MACF1: variants seen among roughly 807,000 people sequenced by gnomAD.
The protein encoded by MACF1 is microtubule actin crosslinking factor 1, also known as microtubule-actin cross-linking factor 1.
A neutral mutation model predicts 854.8 loss-of-function variants in MACF1; 193 were observed. The observed-to-expected ratio is 0.23, with a 90% CI of 0.20 to 0.25. MACF1 has a LOEUF of 0.25. Among genes scored for constraint, MACF1 ranks in the 10% least tolerant of loss-of-function variants. MACF1 has a pLI of 1.00. For missense variants in MACF1, 7,722 were observed against 8,929.1 expected, an observed-to-expected ratio of 0.86 and a Z score of 5.45; for synonymous variants, 3,185 against 3,226.7, an observed-to-expected ratio of 0.99 and a Z score of 0.44.
intron 2 of MACF1, among the ~76,000 whole-genome samples, chr1:39,158,924 A>G (rs933957061): frequency 4.6e-5 from 7 of 152,206 alleles, no homozygotes; most frequent in Admixed American, 2.0e-4. Context: ...TCACTGTGCC[A>G]TGGTGCCTAC....
intron 26 of MACF1, among the ~76,000 whole-genome samples, chr1:39,313,155 C>T (rs1459445918): frequency 1.3e-5 from 2 of 152,108 alleles, no homozygotes; most frequent in African/African-American, 4.8e-5. Flanking sequence ...CCTGAGGTTT[C>T]TTCCTGATTA....
chr1:39,187,994 TCC>T (rs1644200668), intron 2 of MACF1, among the ~76,000 whole-genome samples: 1 of 94,826 alleles, frequency 1.1e-5, no homozygotes, highest in Non-Finnish European at 2.0e-5. Context: ...TCCCCTCCCC[TCC>T]CCTTCCCTTC....
Position 39,282,237 on chromosome 1 carries a change from A to G in MACF1, c.558A>G (p.Ser186=), listed in dbSNP as rs369222802. The stretch of plus-strand genomic sequence containing the variant: ...CTGACATCTACATTAGTGGAGAATC[A>G]GGGGATATGTCAGCCAAGGAGAAAC... ...QISDIYISGE[S]GDMSAKEKLL... is the part of the protein sequence containing the mutation. The change falls in exon 7 of 101, where the codon TCA becomes TCG. Residue 186 remains serine, a synonymous_variant. Transcript: ENST00000564288. 24 of 1,613,860 alleles carry G rather than the reference A, an allele frequency of 1.5e-5. No homozygotes were observed. The African/African-American group carries it at 2.8e-4, about 19-fold the overall frequency.
At chr1:39,481,076 C>G in intron 99 of MACF1, 46 bp downstream of exon 99, 1 of 1,205,660 alleles carries the variant, frequency 8.3e-7, no homozygotes, top group Non-Finnish European at 1.2e-6. Context: ...AGACGAGGCC[C>G]TCGCTACTGG....
rs1192522337 is a variant in MACF1 at position 39,435,695 on chromosome 1, C to G, written c.17922C>G (p.Ala5974=). Residue 5974 remains alanine, a synonymous_variant, in exon 70 of 101, where the codon GCC becomes GCG. Transcript: ENST00000564288. ...EKYQKAENMY[A]QIKEEVRQRA... Reference sequence around the variant, plus strand: ...ACCAGAAAGCAGAAAACATGTATGCCCAAATAAAGGAGGAGGTGCGCCAGC... The same window carrying G: ...ACCAGAAAGCAGAAAACATGTATGCGCAAATAAAGGAGGAGGTGCGCCAGC... The G allele has an allele frequency of 1.9e-6, 3 of 1,613,908 alleles. No homozygotes were observed. Among genetic ancestry groups the G allele is most frequent in the African/African-American group, 2.7e-5 (2 of 74,864 alleles).
chr1:39,479,083 C>T (rs770891592), intron 97 of MACF1, among the ~76,000 whole-genome samples: 2 of 152,172 alleles, frequency 1.3e-5, no homozygotes, highest in African/African-American at 2.4e-5. Flanking sequence ...CATAAGACAG[C>T]GCTAACTGGC....
chr1:39,375,586 C>T (rs923630121), intron 52 of MACF1, among the ~76,000 whole-genome samples: 6 of 152,192 alleles, frequency 3.9e-5, no homozygotes, highest in African/African-American at 1.4e-4. Flanking sequence ...CAGGTGTGAG[C>T]CACCAGGCCC....
chr1:39,392,898 C>T (rs1416699881), intron 58 of MACF1, among the ~76,000 whole-genome samples: 2 of 151,968 alleles, frequency 1.3e-5, no homozygotes, highest in African/African-American at 4.8e-5. Context: ...CTCAGGCTTC[C>T]TGAGTTAGGA....
chr1:39,354,415 TA>T (rs1404580214), intron 44 of MACF1, among the ~76,000 whole-genome samples: 5 of 152,146 alleles, frequency 3.3e-5, no homozygotes, highest in African/African-American at 1.2e-4. Flanking sequence ...TTTATTTATT[TA>T]TTTTTTGAGA....
intron 2 of MACF1, among the ~76,000 whole-genome samples, chr1:39,144,889 A>G (rs895480142): frequency 6.6e-6 from 1 of 151,704 alleles, no homozygotes; most frequent in Non-Finnish European, 1.5e-5. Flanking sequence ...TCTGGTCACA[A>G]CCTCCTTTTT....
At chr1:39,323,170 T>C (rs1646544276) in intron 33 of MACF1, among the ~76,000 whole-genome samples, 162 bp downstream of exon 33, 1 of 152,154 alleles carries the variant, frequency 6.6e-6, no homozygotes. Flanking sequence ...GGAAATCCCC[T>C]CTCTACAAAA....
intron 58 of MACF1, chr1:39,411,752 C>T: frequency 6.2e-7 from 1 of 1,613,854 alleles, no homozygotes; most frequent in East Asian, 2.2e-5. Context: ...GAAGGGCTGG[C>T]TGCATCCCAG....
At chr1:39,302,079 T>A (rs1373154951) in intron 22 of MACF1, among the ~76,000 whole-genome samples, 1 of 152,152 alleles carries the variant, frequency 6.6e-6, no homozygotes, top group Non-Finnish European at 1.5e-5. Context: ...TACTGCAGCC[T>A]TGACCTCCCT....
At chr1:39,413,803 G>A (rs1259256285) in intron 58 of MACF1, 12 of 1,611,614 alleles carry the variant, frequency 7.4e-6, no homozygotes, top group Non-Finnish European at 9.3e-6. Context: ...GCCCACCCCA[G>A]CAGAATCTGC....
intron 23 of MACF1, chr1:39,304,246 T>C (rs2148422289): frequency 2.3e-6 from 1 of 435,076 alleles, no homozygotes; most frequent in South Asian, 1.8e-5. Flanking sequence ...AGTGTTCTCA[T>C]TGTTCAATTC....
intron 45 of MACF1, among the ~76,000 whole-genome samples, chr1:39,358,365 G>A (rs1404067939): frequency 6.6e-6 from 1 of 152,106 alleles, no homozygotes; most frequent in Non-Finnish European, 1.5e-5. Flanking sequence ...TATGCCTTCT[G>A]CCAACACTTC....
intron 2 of MACF1, among the ~76,000 whole-genome samples, chr1:39,180,619 C>T (rs750273814): frequency 2.6e-5 from 4 of 152,170 alleles, no homozygotes; most frequent in Non-Finnish European, 5.9e-5. Context: ...CCACCTCACA[C>T]GCACACACAC....
At chr1:39,211,976 G>A (rs1469757944) in intron 1 of MACF1, among the ~76,000 whole-genome samples, 2 of 125,414 alleles carry the variant, frequency 1.6e-5, no homozygotes, top group African/African-American at 8.6e-5. Flanking sequence ...AGATGTTTGT[G>A]TCTTTTATAT....
chr1:39,231,352 A>G (rs935795649), intron 2 of MACF1, 109 bp downstream of exon 2: 55 of 970,042 alleles, frequency 5.7e-5, no homozygotes, highest in Non-Finnish European at 7.8e-5. Context: ...GCTCAAGTCT[A>G]TGAAGATACA....
Sources: gnomAD v4.1 joint callset for allele counts (sites outside exome capture counted in the v4.1 genomes callset) on GRCh38, gnomAD v4.1.1 for gene constraint, MANE v1.5 for transcripts, NCBI Gene and HGNC (gene_info 2026-07-23, HGNC 2026-07-21) for gene names.